SEMA4D: variants seen among roughly 807,000 people sequenced by gnomAD.
SEMA4D encodes the protein semaphorin 4D, also known as semaphorin-4D.
A neutral mutation model predicts 74.8 loss-of-function variants in SEMA4D; 22 were observed. The observed-to-expected ratio is 0.29, with a 90% CI of 0.21 to 0.42. The LOEUF (loss-of-function observed/expected upper bound fraction) is 0.42, where lower values mean the gene tolerates loss of function less well. Ranked by LOEUF, SEMA4D falls within the 10% of genes least tolerant of loss-of-function variation. The probability of loss-of-function intolerance (pLI) is 1.00; values close to 1 mark genes in which losing one functional copy is unlikely to be tolerated. For synonymous variants in SEMA4D, 445 were observed against 463.7 expected (o/e 0.96, Z 0.52); for missense variants, 937 against 1,118.4 (o/e 0.84, Z 2.31).
intron 2 of SEMA4D, among the ~76,000 whole-genome samples, chr9:89,448,855 C>A (rs1047751005): frequency 3.9e-5 from 6 of 152,236 alleles, no homozygotes; most frequent in African/African-American, 1.2e-4. Context: ...TAGATAGCAG[C>A]CCCTCAGTGG....
At chr9:89,487,669 G>A (rs7854120) in intron 1 of SEMA4D, among the ~76,000 whole-genome samples, 129,974 of 152,152 alleles carry the variant, frequency 0.85, 56,366 homozygotes, top group Non-Finnish European at 0.93. Flanking sequence ...GACTTAGCAA[G>A]GTTCACAGGA....
At chr9:89,449,638 T>C in intron 2 of SEMA4D, 6 of 1,367,044 alleles carry the variant, frequency 4.4e-6, no homozygotes, top group East Asian at 2.3e-5. Flanking sequence ...GGGGGTGACA[T>C]TGCCAATGGG....
chr9:89,394,747 G>T (rs1840563031), intron 6 of SEMA4D, among the ~76,000 whole-genome samples: 1 of 152,236 alleles, frequency 6.6e-6, no homozygotes, highest in African/African-American at 2.4e-5. Context: ...CTCTTCACCT[G>T]TTAGGTTAGG....
intron 5 of SEMA4D, among the ~76,000 whole-genome samples, chr9:89,398,295 G>A (rs1395092574): frequency 6.6e-6 from 1 of 152,172 alleles, no homozygotes; most frequent in Non-Finnish European, 1.5e-5. Flanking sequence ...GAGGTGACTT[G>A]ACTTCAGAGG....
chr9:89,371,796 GGT>G (rs1371028324), intron 16 of SEMA4D, among the ~76,000 whole-genome samples: 6 of 75,146 alleles, frequency 8.0e-5, no homozygotes, highest in African/African-American at 3.5e-4. Flanking sequence ...GTGTGTTTGG[GGT>G]GTGTGTGTGG....
In SEMA4D at chr9:89,481,979, G is replaced by A. The variant is rs115756744; in HGVS notation, c.-310+15940C>T. On this transcript the variant is annotated intron_variant, in intron 1 of 15. Coordinates refer to ENST00000422704, the MANE Select transcript of SEMA4D (RefSeq NM_001371194.2). Reference sequence around the variant, plus strand: ...ACAGCAAACCTGGTGAGAGGGTTTCGCTGCTGCTGCTTCCTGTCGATGACC... The same window carrying A: ...ACAGCAAACCTGGTGAGAGGGTTTCACTGCTGCTGCTTCCTGTCGATGACC... Among the ~76,000 whole-genome samples, 588 of 152,330 alleles carry A rather than the reference G, an allele frequency of 3.9e-3. 4 individuals are homozygous for A. The highest frequency in any genetic ancestry group is 0.013 in the African/African-American group (521 of 41,582).
At chr9:89,369,983 G>T (rs1156794757) in intron 16 of SEMA4D, among the ~76,000 whole-genome samples, 1 of 151,874 alleles carries the variant, frequency 6.6e-6, no homozygotes, top group African/African-American at 2.4e-5. Flanking sequence ...GTGTGGTGGT[G>T]TGTGTGTAAC....
chr9:89,397,892 AG>A (rs1841346776), intron 5 of SEMA4D, among the ~76,000 whole-genome samples: 1 of 152,260 alleles, frequency 6.6e-6, no homozygotes, highest in Admixed American at 6.5e-5. Flanking sequence ...GAGGGTGATG[AG>A]GGTAACCTAG....
Position 89,450,660 on chromosome 9 carries a change from G to GA in SEMA4D, c.-244+5227dup, listed in dbSNP as rs71358578. On this transcript the variant is annotated intron_variant, in intron 2 of 15. Transcript: ENST00000422704. ...GAGTTCTGCAAGTCGAAAAACCCAG[G>GA]AAAAAAAAAAAAAAAAAAAAAAAAA... 425 of 430,270 alleles carry GA rather than the reference G, an allele frequency of 9.9e-4. 6 individuals carry two copies. The African/African-American group carries it at 0.013, about 13-fold the overall frequency. 26.7% of individuals were successfully genotyped at this position (430,270 alleles called of 1,614,324 possible).
chr9:89,466,412 T>C (rs1041268287), intron 1 of SEMA4D, among the ~76,000 whole-genome samples: 1 of 152,072 alleles, frequency 6.6e-6, no homozygotes, highest in Non-Finnish European at 1.5e-5. Context: ...GCCTTTCCCT[T>C]CCGGCTTTCC....
intron 9 of SEMA4D, among the ~76,000 whole-genome samples, chr9:89,389,453 G>A (rs1057206118): frequency 3.3e-5 from 5 of 152,164 alleles, no homozygotes; most frequent in African/African-American, 1.2e-4. Context: ...TCTGGGTGGG[G>A]CAAGTGGCGG....
intron 2 of SEMA4D, among the ~76,000 whole-genome samples, chr9:89,430,763 G>A (rs1587835093): frequency 6.6e-6 from 1 of 152,222 alleles, no homozygotes; most frequent in African/African-American, 2.4e-5. Context: ...GATCACCTGA[G>A]GTCAGGAGTT....
intron 1 of SEMA4D, among the ~76,000 whole-genome samples, chr9:89,494,081 T>C (rs1009773531): frequency 1.3e-5 from 2 of 152,238 alleles, no homozygotes; most frequent in African/African-American, 4.8e-5. Flanking sequence ...GATTGCCTCA[T>C]GGAAGCCAAT....
Position 89,394,686 on chromosome 9 carries a change from G to A in SEMA4D, c.415-1031C>T, listed in dbSNP as rs115091630. ...AGCAGAGCAGGAAGGCTCAGACCAC[G>A]TGGAAGGCCGCAGCTGACACCCTTG... is the stretch of plus-strand genomic sequence containing the variant. On this transcript the variant is annotated intron_variant, in intron 6 of 15. Transcript: ENST00000422704. Among the ~76,000 whole-genome samples the A allele has an allele frequency of 9.6e-3, 1,462 of 152,334 alleles. 19 individuals carry two copies. Among genetic ancestry groups the A allele is most frequent in the African/African-American group, 0.032 (1,318 of 41,566 alleles).
At chr9:89,440,332 G>C (rs1851423193) in intron 2 of SEMA4D, among the ~76,000 whole-genome samples, 1 of 152,126 alleles carries the variant, frequency 6.6e-6, no homozygotes, top group African/African-American at 2.4e-5. Context: ...CACCCCCATG[G>C]TATAGCTACA....
At chr9:89,476,221 A>G (rs759055640) in intron 1 of SEMA4D, among the ~76,000 whole-genome samples, 13 of 152,094 alleles carry the variant, frequency 8.5e-5, no homozygotes, top group Non-Finnish European at 1.5e-4. Flanking sequence ...GCAGGGCAAC[A>G]CCTTCATACA....
At position 89,370,947 on chromosome 9, in the gene SEMA4D, T is replaced by C. The variant is rs1172204419; in HGVS notation, c.1882+5886A>G. ...GGGGGGGTGTTGTGTGTCTGGGGTA[T>C]GGTGTGTATCTGGGGTAGGGTGTGT... On this transcript the variant is annotated intron_variant, in intron 16 of 18. Coordinates refer to the SEMA4D transcript ENST00000339861. 1.2e-4 allele frequency among the ~76,000 whole-genome samples: 12 copies of C among 102,580 alleles called. No homozygotes were observed. The Admixed American group carries it at 1.6e-3, about 14-fold the overall frequency. 67.3% of individuals were successfully genotyped at this position (102,580 alleles called of 152,430 possible). A position where few individuals can be genotyped will look rare whatever the true frequency, so the allele number is the denominator to read the frequency against.
At chr9:89,453,898 C>T (rs1340079167) in intron 2 of SEMA4D, among the ~76,000 whole-genome samples, 6 of 148,820 alleles carry the variant, frequency 4.0e-5, no homozygotes, top group African/African-American at 1.5e-4. Context: ...TGCTCTGTCG[C>T]CCAGGCTGGA....
chr9:89,466,229 CAT>C (rs534227466), intron 1 of SEMA4D, among the ~76,000 whole-genome samples: 204 of 152,272 alleles, frequency 1.3e-3, no homozygotes, highest in African/African-American at 4.6e-3. Flanking sequence ...CACACACAAA[CAT>C]AATTTCCCCT....
Sources: allele counts gnomAD v4.1 joint callset (sites outside exome capture counted in the v4.1 genomes callset), GRCh38; gene constraint gnomAD v4.1.1; transcripts MANE v1.5; gene names NCBI Gene and HGNC (gene_info 2026-07-23, HGNC 2026-07-21).